The following PCDHA1 variants were observed in gnomAD, a reference collection of about 807,000 sequenced individuals.
The protein encoded by PCDHA1 is protocadherin alpha-1.
A neutral mutation model predicts 61.3 loss-of-function variants in PCDHA1; 42 were observed. That is an observed-to-expected ratio of 0.69 (90% CI 0.54 to 0.89). The LOEUF (loss-of-function observed/expected upper bound fraction) is 0.89, where lower values mean the gene tolerates loss of function less well. PCDHA1 is among the 40% of genes least tolerant of loss of function. PCDHA1 has a pLI of 0.00. For synonymous variants in PCDHA1, 610 were observed against 553.8 expected (o/e 1.10, Z -1.43); for missense variants, 1,256 against 1,235.3 (o/e 1.02, Z -0.25).
rs2150473414 is a variant in PCDHA1 at position 140,850,210 on chromosome 5, G to A, written c.2394+61526G>A. 67 of 1,593,594 alleles carry A rather than the reference G, an allele frequency of 4.2e-5. No individual in the cohort carries two copies. In the East Asian group the frequency reaches 1.2e-3, roughly 28 times the overall value. ...GCGCTGCTGACACCTCGGATGAGGG[G>A]CACTGACGGCGCAGTGAGCGAGATG... is the stretch of plus-strand genomic sequence containing the variant. On this transcript the variant is annotated intron_variant, in intron 1 of 3. Coordinates refer to ENST00000504120, the MANE Select transcript of PCDHA1 (RefSeq NM_018900.4).
intron 1 of PCDHA1, among the ~76,000 whole-genome samples, chr5:140,974,533 C>T (rs540810616): frequency 1.5e-4 from 23 of 152,160 alleles, no homozygotes; most frequent in Middle Eastern, 6.8e-3. Flanking sequence ...TTTTTTGAGA[C>T]GGAGTTTTGC....
chr5:140,801,739 A>C, intron 1 of PCDHA1: 1 of 1,614,060 alleles, frequency 6.2e-7, no homozygotes, highest in Non-Finnish European at 8.5e-7. Flanking sequence ...TTTACCTTGG[A>C]CGTTAAAAGA....
chr5:140,796,626 C>G, intron 1 of PCDHA1: 1 of 1,609,656 alleles, frequency 6.2e-7, no homozygotes, highest in Non-Finnish European at 8.5e-7. Context: ...TGCAGGTGTT[C>G]GTGCTGGACG....
chr5:140,971,541 G>C (rs544682624), intron 1 of PCDHA1, among the ~76,000 whole-genome samples: 1 of 152,290 alleles, frequency 6.6e-6, no homozygotes, highest in Non-Finnish European at 1.5e-5. Flanking sequence ...ATCATTGCCA[G>C]ATCAACCTGT....
At chr5:140,865,309 T>C (rs1554159355) in intron 1 of PCDHA1, 1 of 152,176 alleles carries the variant, frequency 6.6e-6, no homozygotes, top group Non-Finnish European at 1.5e-5. Flanking sequence ...TAATTACAAA[T>C]GAGATGGCCT....
chr5:140,795,932 C>G (rs1762014147), intron 1 of PCDHA1: 1 of 1,613,908 alleles, frequency 6.2e-7, no homozygotes, highest in Non-Finnish European at 8.5e-7. Context: ...GTCACTGCAA[C>G]TGACAAAGGA....
rs1389057456 is a variant in PCDHA1, at chr5:140,786,579, C to G, written c.289C>G (p.Gln97Glu). The change falls in exon 1 of 4, where the codon CAG becomes GAG. Residue 97 changes from glutamine (Q) to glutamate (E), a missense_variant. Gln to Glu is a conservative substitution (Grantham distance 29). Coordinates refer to ENST00000504120, the MANE Select transcript of PCDHA1 (RefSeq NM_018900.4). The stretch of plus-strand genomic sequence containing the variant: ...TCGGATCGATCGCGAGGAGCTGTGC[C>G]AGTGGAGCGCGGAGTGCAGCATCCA... ...NSRIDREELC[Q>E]WSAECSIHLE... 2.5e-6 allele frequency: 4 copies of G among 1,614,112 alleles called. No individual in the cohort carries two copies. In the African/African-American group the frequency reaches 4.0e-5, roughly 16 times the overall value.
intron 1 of PCDHA1, chr5:140,871,426 C>T (rs1554165586): frequency 1.2e-6 from 2 of 1,613,320 alleles, no homozygotes; most frequent in Non-Finnish European, 8.5e-7. Context: ...CAGCCCCAGT[C>T]TTCCTCTAGG....
At chr5:140,849,751 C>A (rs1664372537) in intron 1 of PCDHA1, 2 of 1,598,420 alleles carry the variant, frequency 1.3e-6, no homozygotes, top group Non-Finnish European at 1.7e-6. Flanking sequence ...GAGAGTGTGT[C>A]CGCCTACGAG....
rs1554164263 is a variant in PCDHA1, at chr5:140,870,437, C to T, written c.2394+81753C>T. ...ACGGCCAGGGTATCCGTGGAGGTGG[C>T]CGACGTGAACGACAATGCGCCTGCG... On this transcript the variant is annotated intron_variant, in intron 1 of 3. Transcript: ENST00000504120. 3.1e-6 allele frequency: 5 copies of T among 1,614,210 alleles called. No homozygotes were observed. In the East Asian group the frequency reaches 1.1e-4, roughly 36 times the overall value.
At chr5:140,887,961 G>A (rs1311969868) in intron 1 of PCDHA1, among the ~76,000 whole-genome samples, 1 of 151,770 alleles carries the variant, frequency 6.6e-6, no homozygotes, top group African/African-American at 2.4e-5. Flanking sequence ...GATTCTTTTT[G>A]TCTCTTTTAA....
chr5:140,831,119 G>T (rs1198671587), intron 1 of PCDHA1: 1 of 152,072 alleles, frequency 6.6e-6, no homozygotes, highest in Non-Finnish European at 1.5e-5. Context: ...GAATACTTCT[G>T]GTTGTTATGG....
In PCDHA1 at chr5:140,843,131, A is replaced by T. The variant is rs1778597379; in HGVS notation, c.2394+54447A>T. 3 of 1,596,044 alleles carry T rather than the reference A, an allele frequency of 1.9e-6. No homozygotes were observed. The African/African-American group carries it at 4.0e-5, about 21-fold the overall frequency. On this transcript the variant is annotated intron_variant, in intron 1 of 3. Coordinates refer to ENST00000504120, the MANE Select transcript of PCDHA1 (RefSeq NM_018900.4). ...CGCAGTGGACGCCGACTCGGGCTAC[A>T]ACGCGTGGCTTTCGTATGAGCTGCA...
Position 140,787,486 on chromosome 5 carries a change from C to A in PCDHA1, c.1196C>A (p.Ser399Tyr), listed in dbSNP as rs1554117846. The change falls in exon 1 of 4, where the codon TCC becomes TAC. Residue 399 changes from serine (S) to tyrosine (Y), a missense_variant. Coordinates refer to ENST00000504120, the MANE Select transcript of PCDHA1 (RefSeq NM_018900.4). ...CCCCACGTCCCCTTCAAGCTGGTGT[C>A]CACCTTCAAGAATTACTACTCGTTG... ...LMPHVPFKLV[S>Y]TFKNYYSLVL... 10 of 1,614,220 alleles carry A rather than the reference C, an allele frequency of 6.2e-6. No individual in the cohort carries two copies. Among genetic ancestry groups the A allele is most frequent in the South Asian group, 1.1e-5 (1 of 91,084 alleles).
At chr5:140,864,520 C>T (rs1354044181) in intron 1 of PCDHA1, 1 of 152,154 alleles carries the variant, frequency 6.6e-6, no homozygotes, top group Admixed American at 6.5e-5. Context: ...GGTGATTTTA[C>T]TTCTTAATTT....
At chr5:140,912,209 G>T (rs1027468350) in intron 1 of PCDHA1, among the ~76,000 whole-genome samples, 8 of 152,158 alleles carry the variant, frequency 5.3e-5, no homozygotes, top group Non-Finnish European at 7.3e-5. Context: ...ATTGAGGGTA[G>T]ATCTGCCTTT....
intron 1 of PCDHA1, among the ~76,000 whole-genome samples, chr5:140,872,655 G>A (rs1474105243): frequency 6.6e-6 from 1 of 152,046 alleles, no homozygotes; most frequent in African/African-American, 2.4e-5. Context: ...CAAGAGATTT[G>A]TCAACTATTG....
chr5:140,876,899 C>G (rs781884794), intron 1 of PCDHA1: 1 of 1,614,092 alleles, frequency 6.2e-7, no homozygotes, highest in South Asian at 1.1e-5. Context: ...CACATCTTCA[C>G]GGTGTCGGCA....
chr5:140,917,724 G>C (rs2078325058), intron 1 of PCDHA1, among the ~76,000 whole-genome samples: 1 of 152,080 alleles, frequency 6.6e-6, no homozygotes, highest in East Asian at 1.9e-4. Flanking sequence ...CTTTATTTCT[G>C]GGTTCTCTAA....
Sources: gnomAD v4.1 joint callset for allele counts (sites outside exome capture counted in the v4.1 genomes callset) on GRCh38, gnomAD v4.1.1 for gene constraint, MANE v1.5 for transcripts, NCBI Gene and HGNC (gene_info 2026-07-23, HGNC 2026-07-21) for gene names.